Variants in MYO1C observed in about 807,000 individuals in gnomAD.
The protein encoded by MYO1C is unconventional myosin-Ic.
MYO1C carries 104 observed loss-of-function variants against 150.8 expected under a neutral mutation model. The observed-to-expected ratio is 0.69, with a 90% confidence interval of 0.59 to 0.81. The LOEUF (loss-of-function observed/expected upper bound fraction) is 0.81. Among genes scored for constraint, MYO1C ranks in the 30% least tolerant of loss-of-function variants. The probability of loss-of-function intolerance (pLI) is 0.00; values close to 1 mark genes in which losing one functional copy is unlikely to be tolerated. For missense variants in MYO1C, 1,504 were observed against 1,435.0 expected, an observed-to-expected ratio of 1.05 and a Z score of -0.78; for synonymous variants, 663 against 579.9, an observed-to-expected ratio of 1.14 and a Z score of -2.06.
Position 1,465,597 on chromosome 17 carries a change from G to C in MYO1C, c.*129C>G. ...CTCAAGAGAGGGATGGGCAGGAGGT[G>C]GGAGATTGCAGGTGGGCTTCGGGGT... is the stretch of plus-strand genomic sequence containing the variant. On this transcript the variant is annotated 3_prime_UTR_variant, in exon 32 of 32. Coordinates refer to ENST00000648651, the MANE Select transcript of MYO1C (RefSeq NM_001080779.2). The C allele has an allele frequency of 1.0e-6, 1 of 977,796 alleles. No individual in the cohort carries two copies. The highest frequency in any genetic ancestry group is 1.7e-5 in the African/African-American group (1 of 59,626). The allele number at this position is 977,796 out of a possible 1,614,324, so 60.6% of individuals were successfully genotyped here. A position where few individuals can be genotyped will look rare whatever the true frequency, so the allele number is the denominator to read the frequency against.
intron 4 of MYO1C, 75 bp from the exon 5 acceptor site, chr17:1,482,633 C>T: frequency 9.5e-7 from 1 of 1,049,642 alleles, no homozygotes; most frequent in Non-Finnish European, 1.3e-6. Context: ...GTAGCTACTG[C>T]TGCCCCTCCC....
chr17:1,466,499 T>G (rs993418254), intron 31 of MYO1C, among the ~76,000 whole-genome samples: 2 of 151,906 alleles, frequency 1.3e-5, no homozygotes, highest in African/African-American at 2.4e-5. Context: ...CTCGGCTAAT[T>G]TTGTATTTTA....
rs368534532 is a variant in MYO1C, at chr17:1,478,155, G to A, written c.1333C>T (p.Leu445=). ...QFCINYCNEK[L]QQLFIELTLK... ...GTGAGCTCGATGAAGAGCTGCTGCA[G>A]CTTCTCGTTGCAGTAATTGATGCAG... The change falls in exon 12 of 32, where the codon CTG becomes TTG. Residue 445 remains leucine (L), a synonymous_variant. Coordinates refer to ENST00000648651, the MANE Select transcript of MYO1C (RefSeq NM_001080779.2). This position sits in a 1 kb window ranked among gnomAD's most constrained non-coding sequence, Gnocchi z 6.3. 2.5e-6 allele frequency: 4 copies of A among 1,613,910 alleles called. No homozygotes were observed. Among genetic ancestry groups the A allele is most frequent in the Non-Finnish European group, 2.5e-6 (3 of 1,180,034 alleles).
At position 1,474,867 on chromosome 17, in the gene MYO1C, G is replaced by C; in HGVS notation, c.1670-9C>G. ...GTTTTTGTCCAGAAACCCTGGGAGG[G>C]GAGAACCGACGTGAGGTGAGACAGA... On this transcript the variant is annotated splice_polypyrimidine_tract_variant and intron_variant, in intron 15 of 31. Coordinates refer to ENST00000648651, the MANE Select transcript of MYO1C (RefSeq NM_001080779.2). 6.2e-7 allele frequency: 1 copy of C among 1,614,092 alleles called. No homozygotes were observed. Among genetic ancestry groups the C allele is most frequent in the East Asian group, 2.2e-5 (1 of 44,886 alleles).
In MYO1C at chr17:1,478,293, CAG is replaced by C. The variant is rs1157435587; in HGVS notation, c.1296-103_1296-102del. 4.5e-6 allele frequency: 7 copies of C among 1,557,334 alleles called. No individual in the cohort carries two copies. Among genetic ancestry groups the C allele is most frequent in the Non-Finnish European group, 6.2e-6 (7 of 1,129,280 alleles). The stretch of plus-strand genomic sequence containing the variant: ...CCCTGAGCACAGGAGGTGAGAAACA[CAG>C]AGACAGTCCCCGGCTGGCTGGGGAG... On this transcript the variant is annotated intron_variant, in intron 11 of 31. Transcript: ENST00000648651. The surrounding 1 kb of genome is among the most constrained non-coding windows in gnomAD (Gnocchi z 6.3).
At chr17:1,467,379 G>T in intron 30 of MYO1C, 38 bp from the exon 31 acceptor site, 1 of 1,599,316 alleles carries the variant, frequency 6.3e-7, no homozygotes. Flanking sequence ...TTCCATGGAG[G>T]CAGACCCCCA....
Position 1,479,406 on chromosome 17 carries a change from C to G in MYO1C, c.1092+25G>C. On this transcript the variant is annotated intron_variant, in intron 9 of 31. Transcript: ENST00000648651. This position sits in a 1 kb window ranked among gnomAD's most constrained non-coding sequence, Gnocchi z 4.2. Reference sequence around the variant, plus strand: ...GCCTTGGAACAGCTGCCCCTCCACACCCGAGGGCAAGGGCCCGGCCTCACC... The same window carrying G: ...GCCTTGGAACAGCTGCCCCTCCACAGCCGAGGGCAAGGGCCCGGCCTCACC... The G allele has an allele frequency of 2.7e-6, 3 of 1,125,440 alleles. No individual in the cohort carries two copies. The highest frequency in any genetic ancestry group is 3.9e-6 in the Non-Finnish European group (3 of 766,642). The allele number at this position is 1,125,440 out of a possible 1,614,324, so 69.7% of individuals were successfully genotyped here.
intron 14 of MYO1C, among the ~76,000 whole-genome samples, 192 bp from the exon 15 acceptor site, chr17:1,475,224 G>A (rs1329307115): frequency 6.6e-6 from 1 of 152,234 alleles, no homozygotes; most frequent in Admixed American, 6.5e-5. Flanking sequence ...TTCGAGACCA[G>A]CTTGGTCAAT....
intron 14 of MYO1C, among the ~76,000 whole-genome samples, chr17:1,476,440 G>A (rs954885435): frequency 7.9e-5 from 12 of 152,316 alleles, no homozygotes; most frequent in Admixed American, 3.3e-4. Flanking sequence ...CTCCCACAGT[G>A]TCGGGATGAC....
chr17:1,471,635 G>A (rs1271752559), intron 19 of MYO1C, among the ~76,000 whole-genome samples: 5 of 152,290 alleles, frequency 3.3e-5, no homozygotes, highest in Middle Eastern at 3.4e-3. Context: ...TACAAGGCTT[G>A]CTGTCTGCCT....
In MYO1C at chr17:1,492,552, G is replaced by A; in HGVS notation, c.-65C>T. The A allele has an allele frequency of 1.3e-6, 2 of 1,491,336 alleles. No individual in the cohort carries two copies. The highest frequency in any genetic ancestry group is 1.8e-6 in the Non-Finnish European group (2 of 1,093,200). The allele number at this position is 1,491,336 out of a possible 1,614,324, so 92.4% of individuals were successfully genotyped here. ...TGTGAGCAAGAGCTGCCTGCCCACTGGCGGGCTCCGACCACTCCGGGACCA... is the reference window on the plus strand; with the variant it reads ...TGTGAGCAAGAGCTGCCTGCCCACTAGCGGGCTCCGACCACTCCGGGACCA... On this transcript the variant is annotated 5_prime_UTR_variant, in exon 1 of 32. Transcript: ENST00000648651.
rs565598567 is a variant in MYO1C at position 1,469,436 on chromosome 17, C to A, written c.2610+95G>T. 1.7e-5 allele frequency: 20 copies of A among 1,178,166 alleles called. No individual in the cohort carries two copies. The African/African-American group carries it at 2.3e-4, about 14-fold the overall frequency. The allele number at this position is 1,178,166 out of a possible 1,614,324, so 73.0% of individuals were successfully genotyped here. A position where few individuals can be genotyped will look rare whatever the true frequency, so the allele number is the denominator to read the frequency against. On this transcript the variant is annotated intron_variant, in intron 25 of 31. Coordinates refer to ENST00000648651, the MANE Select transcript of MYO1C (RefSeq NM_001080779.2). Reference sequence around the variant, plus strand: ...GTAGAACGCGGTAAATACGGTAGACCGGGGTAAATGCCCCTCCAGGCGGAC... The same window carrying A: ...GTAGAACGCGGTAAATACGGTAGACAGGGGTAAATGCCCCTCCAGGCGGAC...
Position 1,477,958 on chromosome 17 carries a change from T to G in MYO1C, c.1415A>C (p.Gln472Pro). Residue 472 changes from glutamine (Q) to proline (P), a missense_variant, in exon 13 of 32, where the codon CAG becomes CCG. By Grantham distance (76) the Gln-to-Pro change is moderately conservative. Transcript: ENST00000648651. Reference protein sequence around the residue: ...EAEGIAWEPVQYFNNKIICDL... With the variant: ...EAEGIAWEPVPYFNNKIICDL... ...ACAGATGATTTTGTTGTTGAAATAC[T>G]GGACGGGCTCCCACTGAGGGGCAGA... 6.2e-7 allele frequency: 1 copy of G among 1,614,176 alleles called. No individual in the cohort carries two copies. Among genetic ancestry groups the G allele is most frequent in the Non-Finnish European group, 8.5e-7 (1 of 1,180,012 alleles).
At chr17:1,491,400 T>A (rs943791630) in intron 1 of MYO1C, among the ~76,000 whole-genome samples, 2 of 149,366 alleles carry the variant, frequency 1.3e-5, no homozygotes, top group East Asian at 4.0e-4. Context: ...TCCCCGCAGG[T>A]AAATCTAAGT....
chr17:1,483,630 G>C lies in MYO1C; in HGVS notation c.327C>G (p.Phe109Leu). ...CTCACAGGTGAGGGGGCACTTCATAGAAGCTGACGCCACGGTAACGCTCCA... is the reference window on the plus strand; with the variant it reads ...CTCACAGGTGAGGGGGCACTTCATACAAGCTGACGCCACGGTAACGCTCCA... The part of the protein sequence containing the change: ...QHMERYRGVS[F>L]YEVPPHLFAV... The change falls in exon 3 of 32, where the codon TTC becomes TTG. Residue 109 changes from phenylalanine to leucine, a missense_variant. By Grantham distance (22) the Phe-to-Leu change is conservative. Transcript: ENST00000648651. 1 of 1,611,138 alleles carries C rather than the reference G, an allele frequency of 6.2e-7. No individual in the cohort carries two copies. The highest frequency in any genetic ancestry group is 8.5e-7 in the Non-Finnish European group (1 of 1,178,986).
At chr17:1,477,870 T>G in intron 13 of MYO1C, 21 bp downstream of exon 13, 1 of 1,599,754 alleles carries the variant, frequency 6.3e-7, no homozygotes, top group Non-Finnish European at 8.6e-7. Context: ...GCACCAGGCC[T>G]TGGAGGCGCA....
In MYO1C at chr17:1,479,867, T is replaced by C. The variant is rs900590871; in HGVS notation, c.907-162A>G. On this transcript the variant is annotated intron_variant, in intron 7 of 31. Coordinates refer to ENST00000648651, the MANE Select transcript of MYO1C (RefSeq NM_001080779.2). This position sits in a 1 kb window ranked among gnomAD's most constrained non-coding sequence, Gnocchi z 4.2. ...GTGGAAGGTGATTCTGCGGGTGGGA[T>C]GGGCACGGTGGCTGACGCCTGTAAT... Among the ~76,000 whole-genome samples the C allele has an allele frequency of 6.6e-6, 1 of 151,826 alleles. No homozygotes were observed. The highest frequency in any genetic ancestry group is 2.4e-5 in the African/African-American group (1 of 41,330).
Position 1,467,837 on chromosome 17 carries a change from C to T in MYO1C, c.2967+3G>A. ...CCACTCCTCCCCATCCATGAAAAGG[C>T]ACCTTTTGCTTATTGTCCGCACGCT... is the stretch of plus-strand genomic sequence containing the variant. On this transcript the variant is annotated splice_donor_region_variant and intron_variant, in intron 29 of 31. Coordinates refer to ENST00000648651, the MANE Select transcript of MYO1C (RefSeq NM_001080779.2). 1 of 1,586,756 alleles carries T rather than the reference C, an allele frequency of 6.3e-7. No homozygotes were observed. The highest frequency in any genetic ancestry group is 8.6e-7 in the Non-Finnish European group (1 of 1,166,492).
chr17:1,479,275 G>C lies in MYO1C; in HGVS notation c.1092+156C>G, dbSNP rs1567527208. ...CCCCAAGTGCTGGGGTTACAGGCGT[G>C]AGCCACGGCGCTCGGCTCTCACTCT... On this transcript the variant is annotated intron_variant, in intron 9 of 31. Coordinates refer to ENST00000648651, the MANE Select transcript of MYO1C (RefSeq NM_001080779.2). This position sits in a 1 kb window ranked among gnomAD's most constrained non-coding sequence, Gnocchi z 4.2. Among the ~76,000 whole-genome samples the C allele has an allele frequency of 6.6e-6, 1 of 152,158 alleles. No individual in the cohort carries two copies. The highest frequency in any genetic ancestry group is 2.4e-5 in the African/African-American group (1 of 41,432).
Sources: allele counts gnomAD v4.1 joint callset (sites outside exome capture counted in the v4.1 genomes callset), GRCh38; gene constraint gnomAD v4.1.1; non-coding constraint Gnocchi (gnomAD v3.1); transcripts MANE v1.5; gene names NCBI Gene and HGNC (gene_info 2026-07-23, HGNC 2026-07-21).